The following SIK3 variants were observed in gnomAD, a reference collection of about 807,000 sequenced individuals.
SIK3 encodes the protein SIK family kinase 3, also known as serine/threonine-protein kinase SIK3.
Under a neutral mutation model 144.2 loss-of-function variants are expected in SIK3, and 28 were observed. The ratio of observed to expected loss-of-function variants is 0.19; its 90% confidence interval spans 0.14 to 0.27. The LOEUF (loss-of-function observed/expected upper bound fraction) is 0.27, where lower values mean the gene tolerates loss of function less well. Among genes scored for constraint, SIK3 ranks in the 10% least tolerant of loss-of-function variants. SIK3 has a pLI of 1.00. For synonymous variants in SIK3, 686 were observed against 676.3 expected (o/e 1.01, Z -0.22); for missense variants, 1,319 against 1,776.0 (o/e 0.74, Z 4.62).
At chr11:116,992,326 C>CCCCA (rs1555120238) in intron 1 of SIK3, among the ~76,000 whole-genome samples, 1 of 131,308 alleles carries the variant, frequency 7.6e-6, no homozygotes, top group Non-Finnish European at 1.6e-5. Context: ...CCCCCCCCCC[C>CCCCA]AAAAAAAAAC....
At chr11:116,980,670 T>C (rs903729878) in intron 1 of SIK3, among the ~76,000 whole-genome samples, 3 of 152,050 alleles carry the variant, frequency 2.0e-5, no homozygotes, top group Non-Finnish European at 4.4e-5. Flanking sequence ...CTGGGCAACA[T>C]GGTAAAACCC....
chr11:116,847,334 AGG>A lies in SIK3; in HGVS notation c.3952+140_3952+141del, dbSNP rs947046636. ...ACACTCAGGGAAGACCAGTGGGGAA[AGG>A]GGCTGTGTCCAGAACCTGTGGGATG... On this transcript the variant is annotated intron_variant, in intron 23 of 24. Coordinates refer to ENST00000445177, the MANE Select transcript of SIK3 (RefSeq NM_001366686.3). 4.1e-5 allele frequency: 48 copies of A among 1,175,136 alleles called. No individual in the cohort carries two copies. The African/African-American group carries it at 6.1e-4, about 15-fold the overall frequency. 72.8% of individuals were successfully genotyped at this position (1,175,136 alleles called of 1,614,324 possible). A position where few individuals can be genotyped will look rare whatever the true frequency, so the allele number is the denominator to read the frequency against.
intron 3 of SIK3, among the ~76,000 whole-genome samples, chr11:116,949,392 G>A (rs1948826589): frequency 6.6e-6 from 1 of 152,234 alleles, no homozygotes; most frequent in Admixed American, 6.5e-5. Context: ...AACTCCACTA[G>A]TTGCTGGCTG....
intron 21 of SIK3, chr11:116,855,606 C>G (rs546919020): frequency 6.6e-6 from 1 of 152,280 alleles, no homozygotes; most frequent in Non-Finnish European, 1.5e-5. Context: ...TACACGGTAA[C>G]TCAGCCTGGG....
At chr11:117,016,917 A>C (rs904917453) in intron 1 of SIK3, among the ~76,000 whole-genome samples, 6 of 152,248 alleles carry the variant, frequency 3.9e-5, no homozygotes, top group Non-Finnish European at 8.8e-5. Flanking sequence ...ATGCAGTGGA[A>C]TACTATACAG....
Position 117,080,166 on chromosome 11 carries a change from CTAA to C in SIK3, c.273+17974_273+17976del, listed in dbSNP as rs767643972. Among the ~76,000 whole-genome samples the C allele has an allele frequency of 4.6e-5, 7 of 152,260 alleles. No homozygotes were observed. The South Asian group carries it at 8.3e-4, about 18-fold the overall frequency. On this transcript the variant is annotated intron_variant, in intron 1 of 24. Coordinates refer to ENST00000445177, the MANE Select transcript of SIK3 (RefSeq NM_001366686.3). Reference sequence around the variant, plus strand: ...ACAAATTAAATGATGCTCGAATGTACTAATAAGTAACTACAAATAATAAAATGA... The same window carrying C: ...ACAAATTAAATGATGCTCGAATGTACTAAGTAACTACAAATAATAAAATGA...
chr11:117,067,158 C>T (rs1954061069), intron 1 of SIK3, among the ~76,000 whole-genome samples: 1 of 152,094 alleles, frequency 6.6e-6, no homozygotes, highest in African/African-American at 2.4e-5. Flanking sequence ...AACCATATGA[C>T]CCAGCCATTC....
At chr11:116,901,300 C>A (rs925077563) in intron 4 of SIK3, among the ~76,000 whole-genome samples, 1 of 152,180 alleles carries the variant, frequency 6.6e-6, no homozygotes, top group Non-Finnish European at 1.5e-5. Flanking sequence ...GAAAGGGTCA[C>A]GAAATTAAAC....
chr11:116,857,511 G>C (rs1300079946), intron 21 of SIK3: 3 of 369,088 alleles, frequency 8.1e-6, no homozygotes, highest in Non-Finnish European at 1.5e-5. Flanking sequence ...TTTAAAGTTA[G>C]CTGTTTGGAT....
intron 1 of SIK3, among the ~76,000 whole-genome samples, chr11:117,017,420 T>C (rs1396186771): frequency 2.6e-5 from 4 of 152,224 alleles, no homozygotes; most frequent in African/African-American, 9.7e-5. Flanking sequence ...CATTAAGCTG[T>C]GTATTTTATT....
intron 21 of SIK3, 61 bp downstream of exon 21, chr11:116,857,749 T>C (rs376075264): frequency 1.3e-6 from 2 of 1,568,228 alleles, no homozygotes; most frequent in East Asian, 4.5e-5. Context: ...AAAGATAACA[T>C]TACTGAGTCA....
Position 116,956,965 on chromosome 11 carries a change from T to C in SIK3, c.373A>G (p.Ile125Val). 6.2e-7 allele frequency: 1 copy of C among 1,606,686 alleles called. No homozygotes were observed. ...GATCCTACCTGGTAGAGCCTGATGA[T>C]ATGGGGGTGGCAAAGCATCTTCATA... ...QIMKMLCHPH[I>V]IRLYQVMETE... is the part of the protein sequence containing the mutation. Residue 125 changes from isoleucine (I) to valine (V), a missense_variant, in exon 2 of 25, where the codon ATC becomes GTC. Physicochemically the swap from Ile to Val is conservative, Grantham distance 29. This residue lies in a region of SIK3 where 125 missense variants were observed against 285.2 expected (regional missense o/e 0.44). Coordinates refer to ENST00000445177, the MANE Select transcript of SIK3 (RefSeq NM_001366686.3).
At position 116,857,232 on chromosome 11, in the gene SIK3, G is replaced by T. The variant is rs571805104; in HGVS notation, c.3655+578C>A. On this transcript the variant is annotated intron_variant, in intron 21 of 24. Coordinates refer to ENST00000445177, the MANE Select transcript of SIK3 (RefSeq NM_001366686.3). ...TGCACTGAACTCAAACATTTCAGAT[G>T]ATCTGAATGTGCCTCTCTCTCTCAT... is the stretch of plus-strand genomic sequence containing the variant. The T allele has an allele frequency of 1.9e-4, 30 of 153,934 alleles. No individual in the cohort carries two copies. In the South Asian group the frequency reaches 5.5e-3, roughly 28 times the overall value. The allele number at this position is 153,934 out of a possible 1,614,324, so 9.5% of individuals were successfully genotyped here.
chr11:116,926,034 A>G (rs941584487), intron 4 of SIK3, among the ~76,000 whole-genome samples: 1 of 152,226 alleles, frequency 6.6e-6, no homozygotes, highest in Admixed American at 6.5e-5. Flanking sequence ...TCTCAGAAGA[A>G]TTGTGACCCT....
intron 1 of SIK3, among the ~76,000 whole-genome samples, chr11:117,027,118 C>T (rs61905709): frequency 0.16 from 24,358 of 152,146 alleles, 2,071 homozygotes; most frequent in Admixed American, 0.21. Context: ...TAGGAACATA[C>T]AGTCATCCAG....
intron 6 of SIK3, among the ~76,000 whole-genome samples, chr11:116,894,713 AAGTG>A (rs1193252852): frequency 2.6e-5 from 4 of 152,224 alleles, no homozygotes; most frequent in African/African-American, 9.6e-5. Context: ...TAAAATAATG[AAGTG>A]AGTTAATGTT....
At chr11:117,024,980 A>C (rs894765042) in intron 1 of SIK3, among the ~76,000 whole-genome samples, 1 of 151,984 alleles carries the variant, frequency 6.6e-6, no homozygotes, top group African/African-American at 2.4e-5. Context: ...TTTAAAAAAC[A>C]AAAACAAAAC....
chr11:117,010,946 C>A (rs10892060), intron 1 of SIK3, among the ~76,000 whole-genome samples: 67,378 of 151,864 alleles, frequency 0.44, 18,132 homozygotes, highest in Non-Finnish European at 0.62. Flanking sequence ...ATGGACAGAT[C>A]CTGTCTCTCC....
At chr11:116,869,444 C>T (rs774790304) in intron 14 of SIK3, 1 of 152,166 alleles carries the variant, frequency 6.6e-6, no homozygotes, top group African/African-American at 2.4e-5. Flanking sequence ...GTAGAGTAAT[C>T]AGTGTTATGT....
Sources: gnomAD v4.1 joint callset for allele counts (sites outside exome capture counted in the v4.1 genomes callset) on GRCh38, gnomAD v4.1.1 for gene constraint, gnomAD v4.1.1 regional missense constraint, MANE v1.5 for transcripts, NCBI Gene and HGNC (gene_info 2026-07-23, HGNC 2026-07-21) for gene names.